The following RASAL2 variants were observed in gnomAD, a reference collection of about 807,000 sequenced individuals.
RASAL2 encodes the protein ras GTPase-activating protein nGAP.
RASAL2 carries 58 observed loss-of-function variants against 128.9 expected under a neutral mutation model. The observed-to-expected ratio is 0.45, with a 90% CI of 0.36 to 0.56. RASAL2 has a LOEUF of 0.56. RASAL2 is among the 20% of genes least tolerant of loss of function. The probability of loss-of-function intolerance (pLI) is 0.00; values close to 1 mark genes in which losing one functional copy is unlikely to be tolerated. For synonymous variants in RASAL2, 561 were observed against 580.8 expected, an observed-to-expected ratio of 0.97 and a Z score of 0.49; for missense variants, 1,360 against 1,601.6, an observed-to-expected ratio of 0.85 and a Z score of 2.57.
intron 16 of RASAL2, among the ~76,000 whole-genome samples, chr1:178,467,067 A>C (rs7550870): frequency 5.7e-4 from 87 of 152,264 alleles, no homozygotes; most frequent in African/African-American, 2.0e-3. Flanking sequence ...TTAAGATGAA[A>C]TAAGTTGTGC....
At chr1:178,257,768 T>A (rs1024493217) in intron 1 of RASAL2, among the ~76,000 whole-genome samples, 13 of 148,344 alleles carry the variant, frequency 8.8e-5, no homozygotes, top group South Asian at 2.1e-4. Context: ...CCTGAGCCCG[T>A]GAGTTGAGGC....
chr1:178,416,190 C>T (rs1166820711), intron 4 of RASAL2, among the ~76,000 whole-genome samples: 2 of 151,994 alleles, frequency 1.3e-5, no homozygotes, highest in Non-Finnish European at 2.9e-5. Flanking sequence ...TTATATGATT[C>T]CATTTTCTCT....
intron 3 of RASAL2, among the ~76,000 whole-genome samples, chr1:178,311,396 A>G (rs1416821538): frequency 6.6e-6 from 1 of 152,052 alleles, no homozygotes; most frequent in African/African-American, 2.4e-5. Flanking sequence ...GACCTTTACC[A>G]CAGAATCTTT....
intron 1 of RASAL2, among the ~76,000 whole-genome samples, chr1:178,179,570 T>C (rs1662016491): frequency 6.6e-6 from 1 of 152,016 alleles, no homozygotes; most frequent in Admixed American, 6.5e-5. Flanking sequence ...AGATTGAAGA[T>C]TGAGAGCAAC....
At position 178,165,445 on chromosome 1, in the gene RASAL2, A is replaced by G. The variant is rs113461254; in HGVS notation, c.202+70751A>G. 4.2e-3 allele frequency among the ~76,000 whole-genome samples: 641 copies of G among 152,290 alleles called. 3 individuals carry two copies. Among genetic ancestry groups the G allele is most frequent in the African/African-American group, 0.014 (584 of 41,568 alleles). ...TATAAGTAATCCAGAGATTATTTGA[A>G]GTATACAAGAGGATGTGCATAGGTT... On this transcript the variant is annotated intron_variant, in intron 1 of 17. Coordinates refer to ENST00000367649, the MANE Select transcript of RASAL2 (RefSeq NM_170692.4).
At chr1:178,372,180 T>G (rs1375035079) in intron 3 of RASAL2, 2 of 985,232 alleles carry the variant, frequency 2.0e-6, no homozygotes, top group Non-Finnish European at 2.4e-6. Flanking sequence ...TCTGTATCCT[T>G]TTTTTCTCAC....
chr1:178,333,545 T>C (rs951641459), intron 3 of RASAL2, among the ~76,000 whole-genome samples: 3 of 150,868 alleles, frequency 2.0e-5, no homozygotes, highest in Non-Finnish European at 4.5e-5. Context: ...AGTCTGATTT[T>C]TTTGCAAAAC....
At chr1:178,313,388 G>C (rs2102309168) in intron 3 of RASAL2, among the ~76,000 whole-genome samples, 1 of 152,164 alleles carries the variant, frequency 6.6e-6, no homozygotes, top group East Asian at 1.9e-4. Flanking sequence ...AGAGGTAAAA[G>C]TGGTTGCTTC....
At chr1:178,420,700 T>C (rs1437998954) in intron 5 of RASAL2, 80 bp downstream of exon 5, 27 of 995,856 alleles carry the variant, frequency 2.7e-5, no homozygotes, top group Non-Finnish European at 3.9e-5. Context: ...ATTCTGAATT[T>C]GAATCAATGA....
At chr1:178,310,785 A>G (rs1668208477) in intron 3 of RASAL2, among the ~76,000 whole-genome samples, 1 of 152,162 alleles carries the variant, frequency 6.6e-6, no homozygotes, top group South Asian at 2.1e-4. Flanking sequence ...ATTACCTGTC[A>G]CTTGTTATCG....
At chr1:178,401,613 G>A (rs1452244521) in intron 4 of RASAL2, among the ~76,000 whole-genome samples, 1 of 152,102 alleles carries the variant, frequency 6.6e-6, no homozygotes, top group African/African-American at 2.4e-5. Flanking sequence ...AATAGCCACT[G>A]AACTCCAGCT....
chr1:178,131,716 C>A (rs770573651), intron 1 of RASAL2, among the ~76,000 whole-genome samples: 5 of 152,058 alleles, frequency 3.3e-5, no homozygotes, highest in Non-Finnish European at 5.9e-5. Context: ...GGTGAGTTAT[C>A]CCCAAGGAAG....
chr1:178,106,141 G>C (rs1659079190), intron 1 of RASAL2, among the ~76,000 whole-genome samples: 1 of 151,994 alleles, frequency 6.6e-6, no homozygotes, highest in African/African-American at 2.4e-5. Context: ...GATTATTCTT[G>C]TTTTGTTTTT....
intron 3 of RASAL2, among the ~76,000 whole-genome samples, chr1:178,337,042 A>G (rs958138777): frequency 6.6e-6 from 1 of 151,552 alleles, no homozygotes; most frequent in African/African-American, 2.4e-5. Context: ...GATTTTGCCT[A>G]CTCCCTATAA....
chr1:178,451,537 T>C (rs759747969), intron 9 of RASAL2, 34 bp from the exon 10 acceptor site: 2 of 1,604,024 alleles, frequency 1.2e-6, no homozygotes, highest in Admixed American at 1.7e-5. Context: ...AGACACTGTT[T>C]ATAGCTATAC....
chr1:178,433,311 AC>A (rs1398120926), intron 5 of RASAL2, among the ~76,000 whole-genome samples: 1 of 151,828 alleles, frequency 6.6e-6, no homozygotes. Context: ...TCTCTGAACC[AC>A]CCCCACCTTA....
At chr1:178,281,905 A>G (rs1294296211) in intron 1 of RASAL2, among the ~76,000 whole-genome samples, 1 of 152,190 alleles carries the variant, frequency 6.6e-6, no homozygotes, top group Non-Finnish European at 1.5e-5. Context: ...TATGTACAAA[A>G]GGATTAAGAG....
rs549682126 is a variant in RASAL2, at chr1:178,430,973, G to A, written c.675-8449G>A. Among the ~76,000 whole-genome samples the A allele has an allele frequency of 6.0e-5, 9 of 150,116 alleles. No homozygotes were observed. The South Asian group carries it at 1.9e-3, about 32-fold the overall frequency. Reference sequence around the variant, plus strand: ...CTCTTATACCAGCAGAATACTATACGGTAATAATTGAGTCAATTTATGATC... The same window carrying A: ...CTCTTATACCAGCAGAATACTATACAGTAATAATTGAGTCAATTTATGATC... On this transcript the variant is annotated intron_variant, in intron 5 of 17. Coordinates refer to ENST00000367649, the MANE Select transcript of RASAL2 (RefSeq NM_170692.4).
At chr1:178,152,273 C>A (rs751789891) in intron 1 of RASAL2, among the ~76,000 whole-genome samples, 2 of 152,174 alleles carry the variant, frequency 1.3e-5, no homozygotes, top group Non-Finnish European at 2.9e-5. Context: ...GGGTGGTTCA[C>A]ATGGAGAGGG....
Sources: gnomAD v4.1 joint callset for allele counts (sites outside exome capture counted in the v4.1 genomes callset) on GRCh38, gnomAD v4.1.1 for gene constraint, MANE v1.5 for transcripts, NCBI Gene and HGNC (gene_info 2026-07-23, HGNC 2026-07-21) for gene names.